ASXL2: variants seen among roughly 807,000 people sequenced by gnomAD.
ASXL2 encodes the protein ASXL transcriptional regulator 2, also known as putative Polycomb group protein ASXL2.
In ASXL2, 23 loss-of-function variants were observed where a neutral mutation model predicts 122.0. The observed-to-expected ratio is 0.19, with a 90% confidence interval of 0.14 to 0.27. ASXL2 has a LOEUF of 0.27. Among genes scored for constraint, ASXL2 ranks in the 10% least tolerant of loss-of-function variants. ASXL2 has a pLI of 1.00. For synonymous variants in ASXL2, 650 were observed against 637.0 expected, an observed-to-expected ratio of 1.02 and a Z score of -0.31; for missense variants, 1,518 against 1,713.8, an observed-to-expected ratio of 0.89 and a Z score of 2.02.
intron 8 of ASXL2, among the ~76,000 whole-genome samples, chr2:25,765,261 A>G (rs1021778105): frequency 3.4e-4 from 51 of 152,234 alleles, no homozygotes; most frequent in East Asian, 2.3e-3. Flanking sequence ...CAAGGCGGGC[A>G]GATCACGAGG....
At chr2:25,780,107 T>G (rs1451216076) in intron 5 of ASXL2, 1 of 152,228 alleles carries the variant, frequency 6.6e-6, no homozygotes, top group Non-Finnish European at 1.5e-5. Flanking sequence ...CACACTGGCC[T>G]TCCAAACTGC....
At chr2:25,835,636 C>G (rs1178147504) in intron 2 of ASXL2, 96 bp from the exon 3 acceptor site, 1 of 223,994 alleles carries the variant, frequency 4.5e-6, no homozygotes, top group Non-Finnish European at 9.7e-6. Context: ...ATTAAACTGT[C>G]CCTTCCCATC....
intron 5 of ASXL2, among the ~76,000 whole-genome samples, chr2:25,772,413 G>C (rs1453441915): frequency 6.6e-6 from 1 of 152,070 alleles, no homozygotes; most frequent in African/African-American, 2.4e-5. Flanking sequence ...CCCATGGTAA[G>C]GGCAATAAGC....
chr2:25,791,618 A>G (rs2088836088), intron 5 of ASXL2, among the ~76,000 whole-genome samples: 1 of 152,110 alleles, frequency 6.6e-6, no homozygotes, highest in Non-Finnish European at 1.5e-5. Context: ...TTATCTTCTT[A>G]CGGCTTCCTG....
chr2:25,745,610 G>T (rs2149138345), intron 12 of ASXL2, among the ~76,000 whole-genome samples: 3 of 139,188 alleles, frequency 2.2e-5, no homozygotes, highest in Admixed American at 7.2e-5. Context: ...AGATTCTGAT[G>T]TCTATCAGGT....
At chr2:25,856,353 C>G (rs1165076953) in intron 1 of ASXL2, 2 of 428,398 alleles carry the variant, frequency 4.7e-6, no homozygotes, top group Non-Finnish European at 8.5e-6. Flanking sequence ...CACTGCTCAC[C>G]TGGCCTATAC....
chr2:25,838,816 G>A (rs1053833811), intron 2 of ASXL2, among the ~76,000 whole-genome samples: 6 of 152,112 alleles, frequency 3.9e-5, no homozygotes, highest in Non-Finnish European at 5.9e-5. Context: ...ATTCTGAATC[G>A]TTTCCCTTAG....
At position 25,741,875 on chromosome 2, in the gene ASXL2, A is replaced by T. The variant is rs2087833063; in HGVS notation, c.*154T>A. The T allele has an allele frequency of 2.8e-6, 2 of 718,376 alleles. No homozygotes were observed. Among genetic ancestry groups the T allele is most frequent in the Non-Finnish European group, 2.2e-6 (1 of 447,672 alleles). 44.5% of individuals were successfully genotyped at this position (718,376 alleles called of 1,614,324 possible). On this transcript the variant is annotated 3_prime_UTR_variant, in exon 13 of 13. Transcript: ENST00000435504. ...GGTGCTCTTCCTCTAAAATGTAAAA[A>T]ATCTGTACTTTGTATTCCTGATTAA...
Position 25,789,317 on chromosome 2 carries a change from C to T in ASXL2, c.403+10068G>A, listed in dbSNP as rs564795261. Among the ~76,000 whole-genome samples the T allele has an allele frequency of 3.3e-5, 5 of 152,152 alleles. No homozygotes were observed. The South Asian group carries it at 1.0e-3, about 32-fold the overall frequency. On this transcript the variant is annotated intron_variant, in intron 5 of 12. Transcript: ENST00000435504. Reference sequence around the variant, plus strand: ...CACCAGAAGGTGAATGATTCTTACACACATGCAAATAATGTAATAGCAAAA... The same window carrying T: ...CACCAGAAGGTGAATGATTCTTACATACATGCAAATAATGTAATAGCAAAA...
In ASXL2 at chr2:25,737,506, C is replaced by G. The variant is rs1401088001; in HGVS notation, c.*4523G>C. 1.3e-5 allele frequency: 2 copies of G among 152,094 alleles called. No individual in the cohort carries two copies. The highest frequency in any genetic ancestry group is 2.9e-5 in the Non-Finnish European group (2 of 68,008). The allele number at this position is 152,094 out of a possible 1,614,324, so 9.4% of individuals were successfully genotyped here. A position where few individuals can be genotyped will look rare whatever the true frequency, so the allele number is the denominator to read the frequency against. ...GATAAGGAAAATTTAATCAGTTTTA[C>G]TTAAATTCCAAAAGAAATACACTAC... On this transcript the variant is annotated 3_prime_UTR_variant, in exon 13 of 13. Transcript: ENST00000435504.
intron 8 of ASXL2, among the ~76,000 whole-genome samples, chr2:25,767,248 T>C (rs1321883845): frequency 6.6e-6 from 1 of 152,180 alleles, no homozygotes; most frequent in East Asian, 1.9e-4. Context: ...AAGCAACCTA[T>C]TGGCAGAAAG....
At chr2:25,805,943 T>A (rs376259394) in intron 4 of ASXL2, among the ~76,000 whole-genome samples, 10 of 152,272 alleles carry the variant, frequency 6.6e-5, no homozygotes, top group Middle Eastern at 6.8e-3. Flanking sequence ...TCCTAAAATG[T>A]TGGGATTACA....
intron 3 of ASXL2, among the ~76,000 whole-genome samples, chr2:25,811,697 T>C (rs970590988): frequency 6.6e-6 from 1 of 152,190 alleles, no homozygotes; most frequent in African/African-American, 2.4e-5. Flanking sequence ...TTAACAGTTT[T>C]ATGCCAATGT....
intron 11 of ASXL2, among the ~76,000 whole-genome samples, chr2:25,752,571 G>A (rs1029214874): frequency 7.9e-5 from 12 of 152,090 alleles, no homozygotes; most frequent in South Asian, 4.2e-4. Flanking sequence ...ATTCTGGCTC[G>A]GAGTGGTGGC....
Position 25,767,835 on chromosome 2 carries a change from A to T in ASXL2, c.632-109T>A, listed in dbSNP as rs577427744. The T allele has an allele frequency of 7.0e-5, 88 of 1,257,236 alleles. No homozygotes were observed. The African/African-American group carries it at 1.2e-3, about 18-fold the overall frequency. The allele number at this position is 1,257,236 out of a possible 1,614,324, so 77.9% of individuals were successfully genotyped here. A position where few individuals can be genotyped will look rare whatever the true frequency, so the allele number is the denominator to read the frequency against. ...ATGAAGTTATGTATGAGGCAATGTG[A>T]CCCTCCCTAATGTGTTTTGAGTTTG... On this transcript the variant is annotated intron_variant, in intron 7 of 12. Transcript: ENST00000435504.
At chr2:25,869,839 T>C (rs758981507) in intron 1 of ASXL2, among the ~76,000 whole-genome samples, 2 of 149,144 alleles carry the variant, frequency 1.3e-5, no homozygotes, top group African/African-American at 2.5e-5. Context: ...AAAAAAATTA[T>C]AAATTACCTG....
chr2:25,811,701 C>T (rs1466491625), intron 3 of ASXL2, among the ~76,000 whole-genome samples: 2 of 151,990 alleles, frequency 1.3e-5, no homozygotes, highest in Non-Finnish European at 2.9e-5. Context: ...CAGTTTTATG[C>T]CAATGTCAAT....
At chr2:25,865,563 C>G (rs528842340) in intron 1 of ASXL2, among the ~76,000 whole-genome samples, 3 of 150,694 alleles carry the variant, frequency 2.0e-5, no homozygotes, top group East Asian at 3.9e-4. Context: ...GTCAGGAGAT[C>G]GAGACCATCC....
At chr2:25,754,434 G>A (rs1401202548) in intron 10 of ASXL2, among the ~76,000 whole-genome samples, 1 of 152,120 alleles carries the variant, frequency 6.6e-6, no homozygotes, top group Non-Finnish European at 1.5e-5. Flanking sequence ...ACCTCCTGGG[G>A]GTGAGAAGAA....
Sources: allele counts gnomAD v4.1 joint callset (sites outside exome capture counted in the v4.1 genomes callset), GRCh38; gene constraint gnomAD v4.1.1; transcripts MANE v1.5; gene names NCBI Gene and HGNC (gene_info 2026-07-23, HGNC 2026-07-21).